FRMD8: variants seen among roughly 807,000 people sequenced by gnomAD.
FRMD8 encodes the protein FERM domain-containing protein 8.
A neutral mutation model predicts 54.2 loss-of-function variants in FRMD8; 37 were observed. The ratio of observed to expected loss-of-function variants is 0.68; its 90% CI spans 0.53 to 0.90. The LOEUF is 0.90. Ranked by LOEUF, FRMD8 falls within the 40% of genes least tolerant of loss-of-function variation. FRMD8 has a pLI of 0.00. For missense variants in FRMD8, 585 were observed against 653.7 expected, an observed-to-expected ratio of 0.89 and a Z score of 1.15; for synonymous variants, 246 against 286.9, an observed-to-expected ratio of 0.86 and a Z score of 1.44.
chr11:65,377,412 C>T, the FRMD8 span: 3 of 1,176,140 alleles, frequency 2.6e-6, no homozygotes, highest in East Asian at 1.1e-4. Flanking sequence ...CTAAAGCCGG[C>T]AGTGAGCATA....
chr11:65,399,957 G>A, intron 8 of FRMD8, 98 bp downstream of exon 8: 12 of 1,428,870 alleles, frequency 8.4e-6, no homozygotes. Context: ...TGGGGGCAAG[G>A]TGGATGGACT....
chr11:65,394,663 C>T (rs1259359797), intron 6 of FRMD8, among the ~76,000 whole-genome samples: 1 of 152,194 alleles, frequency 6.6e-6, no homozygotes, highest in Non-Finnish European at 1.5e-5. Context: ...AATCTGGAGC[C>T]CTGCCTCCTG....
At chr11:65,389,290 GGTGCCTGGTTGGCCTGGCCTGGCT>G (rs1590646581) in intron 2 of FRMD8, 47 bp from the exon 3 acceptor site, 1 of 1,496,578 alleles carries the variant, frequency 6.7e-7, no homozygotes, top group East Asian at 2.3e-5. Context: ...GGTGGTAGAG[GGTGCCTGGTTGGCCTGGCCTGGCT>G]GTGCCAGGCA....
At chr11:65,403,688 G>C (rs1281748687) in intron 9 of FRMD8, among the ~76,000 whole-genome samples, 1 of 152,258 alleles carries the variant, frequency 6.6e-6, no homozygotes, top group Non-Finnish European at 1.5e-5. Context: ...GGATTTTGCT[G>C]TGGGTTCTTC....
chr11:65,376,561 A>G, the FRMD8 span: 1 of 1,614,000 alleles, frequency 6.2e-7, no homozygotes, highest in Non-Finnish European at 8.5e-7. Context: ...CCCCTGGTAC[A>G]CTCTGCGTCT....
chr11:65,412,210 C>G lies in FRMD8; in HGVS notation c.*850C>G, dbSNP rs1362494976. The G allele has an allele frequency of 6.6e-6, 1 of 152,330 alleles. No homozygotes were observed. Among genetic ancestry groups the G allele is most frequent in the Non-Finnish European group, 1.5e-5 (1 of 68,098 alleles). 9.4% of individuals were successfully genotyped at this position (152,330 alleles called of 1,614,324 possible). ...ACTGAAAATCCCCTGGTGGGCACTC[C>G]CTGGAGCCCAAGCAGCTCCCCTAGG... is the stretch of plus-strand genomic sequence containing the variant. On this transcript the variant is annotated 3_prime_UTR_variant, in exon 11 of 11. Transcript: ENST00000317568.
At chr11:65,376,978 C>T in the FRMD8 span, 2 of 1,613,044 alleles carry the variant, frequency 1.2e-6, no homozygotes, top group Non-Finnish European at 8.5e-7. Context: ...AGTGCACGGG[C>T]CCCTGGTACC....
At chr11:65,392,320 CT>C (rs1855862428) in intron 3 of FRMD8, among the ~76,000 whole-genome samples, 1 of 152,152 alleles carries the variant, frequency 6.6e-6, no homozygotes, top group Admixed American at 6.5e-5. Flanking sequence ...ACAAGGACCC[CT>C]GGCCTCAGGC....
intron 2 of FRMD8, chr11:65,387,368 T>C (rs553748558): frequency 1.3e-5 from 8 of 624,436 alleles, no homozygotes; most frequent in Admixed American, 5.1e-5. Context: ...CAAATGAGAT[T>C]ATATGAATGA....
intron 1 of FRMD8, 29 bp from the exon 2 acceptor site, chr11:65,387,008 G>T: frequency 6.3e-7 from 1 of 1,593,184 alleles, no homozygotes. Flanking sequence ...CTGGCTCCCG[G>T]TAACTGCTGT....
Position 65,404,330 on chromosome 11 carries a change from G to C in FRMD8, c.1072-534G>C, listed in dbSNP as rs1391051340. Among the ~76,000 whole-genome samples the C allele has an allele frequency of 6.6e-6, 1 of 152,196 alleles. No homozygotes were observed. Among genetic ancestry groups the C allele is most frequent in the East Asian group, 1.9e-4 (1 of 5,192 alleles). Reference sequence around the variant, plus strand: ...CTGAAGGCCCTGTCCTTGGTGCCCAGCTGTGCCCGCTGGCACCCGGCTGCT... The same window carrying C: ...CTGAAGGCCCTGTCCTTGGTGCCCACCTGTGCCCGCTGGCACCCGGCTGCT... On this transcript the variant is annotated intron_variant, in intron 9 of 10. Coordinates refer to ENST00000317568, the MANE Select transcript of FRMD8 (RefSeq NM_031904.5). This position sits in a 1 kb window ranked among gnomAD's most constrained non-coding sequence, Gnocchi z 4.7.
At chr11:65,409,835 T>G (rs1479560690) in intron 10 of FRMD8, among the ~76,000 whole-genome samples, 1 of 151,942 alleles carries the variant, frequency 6.6e-6, no homozygotes, top group African/African-American at 2.4e-5. Context: ...TCTCAGTACT[T>G]TGGGAGACAG....
Position 65,411,387 on chromosome 11 carries a change from C to CCCCCA in FRMD8, c.*27_*28insCCCCA. The CCCCCA allele has an allele frequency of 6.8e-7, 1 of 1,474,944 alleles. No individual in the cohort carries two copies. The highest frequency in any genetic ancestry group is 9.2e-7 in the Non-Finnish European group (1 of 1,085,608). The allele number at this position is 1,474,944 out of a possible 1,614,324, so 91.4% of individuals were successfully genotyped here. On this transcript the variant is annotated 3_prime_UTR_variant, in exon 11 of 11. Coordinates refer to ENST00000317568, the MANE Select transcript of FRMD8 (RefSeq NM_031904.5). ...GACGCTGCACCCGGCAGGAGGAGGG[C>CCCCCA]GACTGGGGGCCCTGGCCCGGCACTG...
At position 65,391,105 on chromosome 11, in the gene FRMD8, C is replaced by T. The variant is rs185508877; in HGVS notation, c.253+1577C>T. Among the ~76,000 whole-genome samples the T allele has an allele frequency of 2.6e-5, 4 of 152,380 alleles. No homozygotes were observed. The East Asian group carries it at 5.8e-4, about 22-fold the overall frequency. ...AGTGCCCTGCAAGGGCAGGGAGGGG[C>T]GCTGTCTTCTGGAGCTGCCCTTCAT... On this transcript the variant is annotated intron_variant, in intron 3 of 10. Coordinates refer to ENST00000317568, the MANE Select transcript of FRMD8 (RefSeq NM_031904.5).
rs1245630696 is a variant in FRMD8, at chr11:65,411,223, C to T, written c.1277-19C>T. 5 of 1,589,840 alleles carry T rather than the reference C, an allele frequency of 3.1e-6. No individual in the cohort carries two copies. Among genetic ancestry groups the T allele is most frequent in the South Asian group, 1.1e-5 (1 of 88,748 alleles). On this transcript the variant is annotated intron_variant, in intron 10 of 10. Coordinates refer to ENST00000317568, the MANE Select transcript of FRMD8 (RefSeq NM_031904.5). ...AGGGACAGCGCCTCTGCTCAGTGTG[C>T]CCTCCCATTCCCTCGCAGGCAAGGG...
intron 10 of FRMD8, among the ~76,000 whole-genome samples, chr11:65,408,076 CTT>C (rs757980759): frequency 2.5e-4 from 35 of 139,500 alleles, no homozygotes; most frequent in Admixed American, 3.6e-4. Context: ...ATTGTTTTTT[CTT>C]TTTTTTTTTT....
At chr11:65,375,814 G>A in the FRMD8 span, 1 of 153,766 alleles carries the variant, frequency 6.5e-6, no homozygotes, top group Admixed American at 6.4e-5. Flanking sequence ...TGTAATCCCA[G>A]CACTTTGAGA....
the FRMD8 span, chr11:65,380,312 G>T: frequency 7.6e-7 from 1 of 1,311,098 alleles, no homozygotes; most frequent in Non-Finnish European, 1.1e-6. Context: ...CCACCTTCCT[G>T]CCAAGCTCTA....
intron 7 of FRMD8, among the ~76,000 whole-genome samples, chr11:65,398,934 G>A (rs1327111623): frequency 6.6e-6 from 1 of 152,044 alleles, no homozygotes; most frequent in Non-Finnish European, 1.5e-5. Flanking sequence ...GGGCAAGGGT[G>A]AGCCTGAGGG....
Sources: allele counts gnomAD v4.1 joint callset (sites outside exome capture counted in the v4.1 genomes callset), GRCh38; gene constraint gnomAD v4.1.1; non-coding constraint Gnocchi (gnomAD v3.1); transcripts MANE v1.5; gene names NCBI Gene and HGNC (gene_info 2026-07-23, HGNC 2026-07-21).